The following MARCHF11 variants were observed in gnomAD, a reference collection of about 807,000 sequenced individuals.
MARCHF11 encodes the protein E3 ubiquitin-protein ligase MARCHF11.
MARCHF11 carries 29 observed loss-of-function variants against 37.3 expected under a neutral mutation model. The ratio of observed to expected loss-of-function variants is 0.78; its 90% CI spans 0.58 to 1.06. The LOEUF is 1.06. Ranked by LOEUF, MARCHF11 falls within the 50% of genes least tolerant of loss-of-function variation. The pLI is 0.00. For missense variants in MARCHF11, 482 were observed against 533.4 expected, an observed-to-expected ratio of 0.90 and a Z score of 0.95; for synonymous variants, 233 against 228.0, an observed-to-expected ratio of 1.02 and a Z score of -0.20.
chr5:16,103,059 T>C (rs1736984762), intron 2 of MARCHF11, among the ~76,000 whole-genome samples: 1 of 151,042 alleles, frequency 6.6e-6, no homozygotes, highest in Non-Finnish European at 1.5e-5. Flanking sequence ...TTATCAGATG[T>C]CTGGTACATG....
rs115199096 is a variant in MARCHF11, at chr5:16,127,653, C to T, written c.694-36572G>A. On this transcript the variant is annotated intron_variant, in intron 2 of 3. Transcript: ENST00000332432. Reference sequence around the variant, plus strand: ...GCCATTGTTCCCCAGCAGGGAGGGACCGTCCTAACTGTAGTGAGGCATCTG... The same window carrying T: ...GCCATTGTTCCCCAGCAGGGAGGGATCGTCCTAACTGTAGTGAGGCATCTG... 5.4e-3 allele frequency among the ~76,000 whole-genome samples: 822 copies of T among 152,284 alleles called. 3 individuals are homozygous for T. The highest frequency in any genetic ancestry group is 0.019 in the African/African-American group (785 of 41,562).
intron 2 of MARCHF11, among the ~76,000 whole-genome samples, chr5:16,093,384 C>A (rs1736816041): frequency 6.6e-6 from 1 of 152,106 alleles, no homozygotes; most frequent in Non-Finnish European, 1.5e-5. Flanking sequence ...TTAATTGATC[C>A]AAGCCTCCTT....
intron 2 of MARCHF11, among the ~76,000 whole-genome samples, chr5:16,101,225 TTGAAA>T (rs1181486594): frequency 2.0e-5 from 3 of 152,164 alleles, no homozygotes; most frequent in Non-Finnish European, 4.4e-5. Flanking sequence ...AGTCTAGAAG[TTGAAA>T]TAAAAATGCA....
intron 3 of MARCHF11, among the ~76,000 whole-genome samples, chr5:16,086,043 G>A (rs1468017062): frequency 3.5e-5 from 5 of 143,896 alleles, no homozygotes; most frequent in African/African-American, 5.2e-5. Context: ...CATGTAAAAC[G>A]ATGTCCTTTA....
chr5:16,134,099 G>C (rs1286465310), intron 2 of MARCHF11, among the ~76,000 whole-genome samples: 1 of 152,122 alleles, frequency 6.6e-6, no homozygotes, highest in Non-Finnish European at 1.5e-5. Context: ...CCTATATTAA[G>C]TCGAAACAAA....
chr5:16,116,649 A>G (rs1737230978), intron 2 of MARCHF11, among the ~76,000 whole-genome samples: 1 of 152,158 alleles, frequency 6.6e-6, no homozygotes, highest in South Asian at 2.1e-4. Context: ...TAAAAAAAAA[A>G]AGTAAAAGCT....
chr5:16,174,283 C>A (rs576088276), intron 2 of MARCHF11, among the ~76,000 whole-genome samples: 1 of 152,306 alleles, frequency 6.6e-6, no homozygotes, highest in Non-Finnish European at 1.5e-5. Flanking sequence ...TAGATTCTGC[C>A]AGTAGATAGG....
At chr5:16,160,947 T>A (rs1025544028) in intron 2 of MARCHF11, among the ~76,000 whole-genome samples, 1 of 152,006 alleles carries the variant, frequency 6.6e-6, no homozygotes, top group Non-Finnish European at 1.5e-5. Flanking sequence ...AAAGCTCTTC[T>A]GACGTCTAAC....
chr5:16,128,544 A>G (rs1737458804), intron 2 of MARCHF11, among the ~76,000 whole-genome samples: 1 of 152,244 alleles, frequency 6.6e-6, no homozygotes, highest in Non-Finnish European at 1.5e-5. Flanking sequence ...TCCCACTAAA[A>G]GAAGGACGGG....
intron 2 of MARCHF11, among the ~76,000 whole-genome samples, chr5:16,172,282 A>C (rs934773662): frequency 6.6e-6 from 1 of 152,192 alleles, no homozygotes; most frequent in African/African-American, 2.4e-5. Context: ...GAAAATTAGT[A>C]AGCAAATGAA....
At chr5:16,111,868 G>C (rs1279007680) in intron 2 of MARCHF11, among the ~76,000 whole-genome samples, 1 of 152,182 alleles carries the variant, frequency 6.6e-6, no homozygotes, top group Non-Finnish European at 1.5e-5. Context: ...TTGGTGCCCT[G>C]TGTCCCAGCC....
chr5:16,139,403 G>A (rs1366064642), intron 2 of MARCHF11, among the ~76,000 whole-genome samples: 2 of 152,144 alleles, frequency 1.3e-5, no homozygotes, highest in Non-Finnish European at 2.9e-5. Context: ...GAAACTGTAA[G>A]TCCATTAAAC....
At chr5:16,132,217 A>G (rs928304587) in intron 2 of MARCHF11, among the ~76,000 whole-genome samples, 1 of 152,212 alleles carries the variant, frequency 6.6e-6, no homozygotes, top group Non-Finnish European at 1.5e-5. Flanking sequence ...ATGGCCTAAG[A>G]GCAACAATAA....
chr5:16,071,831 A>G (rs1736442293), intron 3 of MARCHF11, among the ~76,000 whole-genome samples: 1 of 152,230 alleles, frequency 6.6e-6, no homozygotes, highest in African/African-American at 2.4e-5. Context: ...TTTCTGATTC[A>G]TAAGATAAAT....
chr5:16,116,431 C>CT, intron 2 of MARCHF11, among the ~76,000 whole-genome samples: 1 of 152,276 alleles, frequency 6.6e-6, no homozygotes, highest in Non-Finnish European at 1.5e-5. Context: ...TCAAACAACT[C>CT]TGAATATTTC....
At chr5:16,149,650 C>T (rs1457249828) in intron 2 of MARCHF11, among the ~76,000 whole-genome samples, 2 of 152,060 alleles carry the variant, frequency 1.3e-5, no homozygotes, top group African/African-American at 4.8e-5. Flanking sequence ...TGACTTTGGA[C>T]CCAGCCATGG....
chr5:16,099,010 CCTCTT>C (rs1276741605), intron 2 of MARCHF11, among the ~76,000 whole-genome samples: 1 of 152,114 alleles, frequency 6.6e-6, no homozygotes, highest in Non-Finnish European at 1.5e-5. Context: ...ATCCTCCAAA[CCTCTT>C]CTTCCTTGTT....
intron 2 of MARCHF11, among the ~76,000 whole-genome samples, chr5:16,120,507 C>T (rs893756859): frequency 4.6e-5 from 7 of 152,238 alleles, no homozygotes; most frequent in East Asian, 1.9e-4. Context: ...CTGCTTCACA[C>T]GCTCAGATGG....
intron 2 of MARCHF11, among the ~76,000 whole-genome samples, chr5:16,143,908 AGAGTCTAAG>A (rs1737759425): frequency 6.6e-6 from 1 of 152,188 alleles, no homozygotes; most frequent in African/African-American, 2.4e-5. Context: ...ATTATGCTTA[AGAGTCTAAG>A]GCCTGTAGTC....
Sources: gnomAD v4.1 joint callset for allele counts (sites outside exome capture counted in the v4.1 genomes callset) on GRCh38, gnomAD v4.1.1 for gene constraint, MANE v1.5 for transcripts, NCBI Gene and HGNC (gene_info 2026-07-23, HGNC 2026-07-21) for gene names.